Variants in DPP10 observed in about 807,000 individuals in gnomAD.
DPP10 encodes the protein dipeptidyl peptidase like 10.
In DPP10, 33 loss-of-function variants were observed where a neutral mutation model predicts 120.9. The observed-to-expected ratio is 0.27, with a 90% CI of 0.21 to 0.37. DPP10 has a LOEUF of 0.37. Among genes scored for constraint, DPP10 ranks in the 10% least tolerant of loss-of-function variants. The probability of loss-of-function intolerance (pLI) is 1.00; values close to 1 mark genes in which losing one functional copy is unlikely to be tolerated. For missense variants in DPP10, 816 were observed against 942.8 expected, an observed-to-expected ratio of 0.87 and a Z score of 1.76; for synonymous variants, 337 against 326.1, an observed-to-expected ratio of 1.03 and a Z score of -0.36.
At chr2:114,899,608 C>A (rs376093662) in intron 1 of DPP10, among the ~76,000 whole-genome samples, 2 of 149,360 alleles carry the variant, frequency 1.3e-5, no homozygotes, top group African/African-American at 2.5e-5. Context: ...GTAATGAAAT[C>A]ATCAGTTTTA....
In DPP10 at chr2:115,037,346, T is replaced by A. The variant is rs78224654; in HGVS notation, c.61-271893T>A. The stretch of plus-strand genomic sequence containing the variant: ...TACAGATATTACACACATATGCATG[T>A]GGCAAAAATACTTTTTTTCCTTTCT... On this transcript the variant is annotated intron_variant, in intron 1 of 25. Transcript: ENST00000410059. Among the ~76,000 whole-genome samples, 1,169 of 152,354 alleles carry A rather than the reference T, an allele frequency of 7.7e-3. 13 individuals are homozygous for A. The highest frequency in any genetic ancestry group is 0.027 in the African/African-American group (1,117 of 41,586).
chr2:114,888,426 CA>C (rs1372847600), intron 1 of DPP10, among the ~76,000 whole-genome samples: 1 of 151,290 alleles, frequency 6.6e-6, no homozygotes, highest in Non-Finnish European at 1.5e-5. Context: ...TGACAGTTCT[CA>C]AAAAAAAGTT....
chr2:114,841,999 C>T (rs1281819072), intron 1 of DPP10, among the ~76,000 whole-genome samples: 6 of 152,058 alleles, frequency 3.9e-5, no homozygotes, highest in Non-Finnish European at 5.9e-5. Flanking sequence ...GCTAGAGTAA[C>T]CATCTTATCT....
intron 1 of DPP10, among the ~76,000 whole-genome samples, chr2:114,694,491 G>A (rs1025054745): frequency 1.3e-5 from 2 of 151,926 alleles, no homozygotes; most frequent in Non-Finnish European, 2.9e-5. Context: ...ATAGTTTGCA[G>A]TGAAGGAAAT....
At chr2:115,243,867 AG>A (rs2058400866) in intron 1 of DPP10, among the ~76,000 whole-genome samples, 1 of 151,760 alleles carries the variant, frequency 6.6e-6, no homozygotes, top group African/African-American at 2.4e-5. Flanking sequence ...TTGACTGAAT[AG>A]GGATTTGCAC....
At chr2:115,374,053 A>G (rs533411512) in intron 3 of DPP10, among the ~76,000 whole-genome samples, 1 of 152,062 alleles carries the variant, frequency 6.6e-6, no homozygotes, top group Non-Finnish European at 1.5e-5. Flanking sequence ...TTACAATTCA[A>G]CATGAAATTT....
intron 10 of DPP10, among the ~76,000 whole-genome samples, chr2:115,748,247 G>A (rs1201640970): frequency 3.4e-5 from 5 of 147,576 alleles, no homozygotes; most frequent in Admixed American, 2.7e-4. Flanking sequence ...TTTTTAGTAT[G>A]TTACTTAAGC....
At chr2:115,790,130 A>G (rs551680965) in intron 17 of DPP10, among the ~76,000 whole-genome samples, 1 of 147,018 alleles carries the variant, frequency 6.8e-6, no homozygotes, top group African/African-American at 2.5e-5. Flanking sequence ...CGGACTGCGG[A>G]CTGCAGTGGC....
chr2:115,281,195 G>A (rs570978620), intron 1 of DPP10, among the ~76,000 whole-genome samples: 1 of 152,228 alleles, frequency 6.6e-6, no homozygotes, highest in African/African-American at 2.4e-5. Context: ...GCTAGAAATA[G>A]GTACCTTAAT....
chr2:114,646,984 G>A (rs1696189211), intron 1 of DPP10, among the ~76,000 whole-genome samples: 1 of 152,190 alleles, frequency 6.6e-6, no homozygotes, highest in South Asian at 2.1e-4. Flanking sequence ...AAAGTCCCAT[G>A]GACAGTTAGT....
intron 5 of DPP10, among the ~76,000 whole-genome samples, chr2:115,539,825 A>AG (rs1260518480): frequency 6.6e-6 from 1 of 151,702 alleles, no homozygotes; most frequent in African/African-American, 2.4e-5. Context: ...GTTAAAAAAA[A>AG]AAACCACAAC....
intron 3 of DPP10, among the ~76,000 whole-genome samples, chr2:115,479,029 A>G (rs1310023278): frequency 2.0e-5 from 3 of 152,194 alleles, no homozygotes; most frequent in African/African-American, 7.2e-5. Flanking sequence ...GAATTACTGT[A>G]TGATCTATAA....
intron 1 of DPP10, among the ~76,000 whole-genome samples, chr2:115,128,108 T>C (rs1321820705): frequency 6.6e-6 from 1 of 152,208 alleles, no homozygotes; most frequent in Non-Finnish European, 1.5e-5. Context: ...TCAATCTTCA[T>C]AGAACCTAAT....
At chr2:115,384,561 A>AGAAGAAGAG (rs1190075480) in intron 3 of DPP10, among the ~76,000 whole-genome samples, 1 of 13,530 alleles carries the variant, frequency 7.4e-5, no homozygotes, top group African/African-American at 1.7e-4. Context: ...AAGAAGAGGA[A>AGAAGAAGAG]GAAGAAGAAG....
At chr2:115,547,204 A>G (rs2079558717) in intron 5 of DPP10, among the ~76,000 whole-genome samples, 2 of 152,166 alleles carry the variant, frequency 1.3e-5, no homozygotes, top group South Asian at 4.1e-4. Flanking sequence ...GTCATTCTTC[A>G]TCTTTCACTT....
At chr2:114,572,956 T>A (rs1160319786) in intron 1 of DPP10, among the ~76,000 whole-genome samples, 1 of 152,156 alleles carries the variant, frequency 6.6e-6, no homozygotes, top group East Asian at 1.9e-4. Flanking sequence ...GACAAACAAG[T>A]GTATTTTACT....
chr2:115,138,129 C>T (rs1011396536), intron 1 of DPP10, among the ~76,000 whole-genome samples: 1 of 152,108 alleles, frequency 6.6e-6, no homozygotes, highest in Non-Finnish European at 1.5e-5. Context: ...TGCACTGCTT[C>T]ATTTCCTCTC....
At chr2:115,728,948 A>G (rs2149644851) in intron 8 of DPP10, among the ~76,000 whole-genome samples, 1 of 152,322 alleles carries the variant, frequency 6.6e-6, no homozygotes, top group African/African-American at 2.4e-5. Context: ...CTTGAGATTT[A>G]TATGTATATG....
intron 1 of DPP10, among the ~76,000 whole-genome samples, chr2:114,760,168 C>T (rs1428043089): frequency 6.6e-6 from 1 of 152,184 alleles, no homozygotes; most frequent in African/African-American, 2.4e-5. Context: ...CAGGTGCGTC[C>T]ATCCCCCAGC....
Sources: allele counts gnomAD v4.1 joint callset (sites outside exome capture counted in the v4.1 genomes callset), GRCh38; gene constraint gnomAD v4.1.1; transcripts MANE v1.5; gene names NCBI Gene and HGNC (gene_info 2026-07-23, HGNC 2026-07-21).